The following PTPRD variants were observed in gnomAD, a reference collection of about 807,000 sequenced individuals.
The protein encoded by PTPRD is protein tyrosine phosphatase receptor type D.
Under a neutral mutation model 214.5 loss-of-function variants are expected in PTPRD, and 34 were observed. The observed-to-expected ratio is 0.16, with a 90% CI of 0.12 to 0.21. The LOEUF (loss-of-function observed/expected upper bound fraction) is 0.21. Among genes scored for constraint, PTPRD ranks in the 10% least tolerant of loss-of-function variants. The pLI is 1.00. For synonymous variants in PTPRD, 1,128 were observed against 845.7 expected (o/e 1.33, Z -5.79); for missense variants, 2,545 against 2,398.7 (o/e 1.06, Z -1.27).
At chr9:9,254,776 C>A (rs563659394) in intron 9 of PTPRD, among the ~76,000 whole-genome samples, 2 of 151,978 alleles carry the variant, frequency 1.3e-5, no homozygotes, top group Non-Finnish European at 2.9e-5. Flanking sequence ...TAAAACCCTG[C>A]GCCCTCATTC....
chr9:9,472,389 G>A (rs908656187), intron 8 of PTPRD, among the ~76,000 whole-genome samples: 4 of 151,518 alleles, frequency 2.6e-5, no homozygotes, highest in African/African-American at 7.3e-5. Context: ...ATTTTTAGTA[G>A]AGACGGGGTT....
chr9:9,403,783 C>T (rs2141507362), intron 8 of PTPRD, among the ~76,000 whole-genome samples: 1 of 151,940 alleles, frequency 6.6e-6, no homozygotes, highest in Admixed American at 6.6e-5. Context: ...ATAGTGGTAA[C>T]CATGTGGACA....
chr9:8,798,339 T>G (rs546054663), intron 11 of PTPRD, among the ~76,000 whole-genome samples: 1 of 152,248 alleles, frequency 6.6e-6, no homozygotes, highest in Admixed American at 6.5e-5. Flanking sequence ...CTTTAAAAAT[T>G]TTTTAACAGT....
At chr9:9,119,138 C>T (rs2099815159) in intron 10 of PTPRD, among the ~76,000 whole-genome samples, 1 of 152,202 alleles carries the variant, frequency 6.6e-6, no homozygotes, top group African/African-American at 2.4e-5. Flanking sequence ...GCTGGGTTCT[C>T]TGCAGAAGTG....
intron 11 of PTPRD, among the ~76,000 whole-genome samples, chr9:8,943,210 A>C (rs1212479725): frequency 4.6e-5 from 7 of 152,094 alleles, no homozygotes; most frequent in Admixed American, 3.9e-4. Flanking sequence ...TACTACCCAA[A>C]ACAATCTAAA....
chr9:8,929,688 T>C (rs1210084270), intron 11 of PTPRD, among the ~76,000 whole-genome samples: 4 of 111,148 alleles, frequency 3.6e-5, no homozygotes, highest in Non-Finnish European at 6.7e-5. Flanking sequence ...CTTTTATATA[T>C]GTGTATATAT....
chr9:9,280,951 C>G (rs2133554460), intron 9 of PTPRD, among the ~76,000 whole-genome samples: 1 of 150,980 alleles, frequency 6.6e-6, no homozygotes, highest in Admixed American at 6.6e-5. Flanking sequence ...GAAAAGAGAG[C>G]CAAGAAGTAG....
chr9:10,227,428 T>G (rs2099592501), intron 3 of PTPRD, among the ~76,000 whole-genome samples: 1 of 151,906 alleles, frequency 6.6e-6, no homozygotes, highest in African/African-American at 2.4e-5. Flanking sequence ...TTAAATAACT[T>G]CTATTACCTA....
intron 4 of PTPRD, among the ~76,000 whole-genome samples, chr9:9,980,608 C>CAAAAAAAAAAAAAAA (rs750547585): frequency 1.7e-4 from 2 of 11,432 alleles, no homozygotes; most frequent in African/African-American, 7.2e-4. Context: ...GACACCTTGT[C>CAAAAAAAAAAAAAAA]AAAAAAAAAC....
intron 5 of PTPRD, among the ~76,000 whole-genome samples, chr9:9,864,572 G>A (rs1444950613): frequency 1.3e-5 from 2 of 152,136 alleles, no homozygotes; most frequent in Non-Finnish European, 2.9e-5. Flanking sequence ...TGACTGGAGT[G>A]CAGTGGCATG....
chr9:8,872,857 A>G (rs912360519), intron 11 of PTPRD, among the ~76,000 whole-genome samples: 4 of 152,238 alleles, frequency 2.6e-5, no homozygotes, highest in African/African-American at 4.8e-5. Context: ...GTACATTTCA[A>G]TAAGGACCCA....
At chr9:9,434,492 C>G (rs1395659153) in intron 8 of PTPRD, among the ~76,000 whole-genome samples, 1 of 152,116 alleles carries the variant, frequency 6.6e-6, no homozygotes, top group African/African-American at 2.4e-5. Context: ...AATGACAATA[C>G]CAACTTCTTC....
chr9:10,096,787 T>C (rs1286954500), intron 3 of PTPRD, among the ~76,000 whole-genome samples: 2 of 152,056 alleles, frequency 1.3e-5, no homozygotes. Flanking sequence ...CCATTGCTTT[T>C]GGTGTTTTAG....
chr9:9,446,886 T>C lies in PTPRD; in HGVS notation c.-236-49404A>G, dbSNP rs528734310. Among the ~76,000 whole-genome samples the C allele has an allele frequency of 4.4e-3, 677 of 152,208 alleles. 4 individuals are homozygous for C. Among genetic ancestry groups the C allele is most frequent in the African/African-American group, 0.015 (604 of 41,514 alleles). On this transcript the variant is annotated intron_variant, in intron 8 of 45. Coordinates refer to ENST00000381196, the MANE Select transcript of PTPRD (RefSeq NM_002839.4). ...AACAGACACTTTTCAAAAGAAGACA[T>C]ACATGTGGCCAAGAAGCATATGAAA...
intron 35 of PTPRD, among the ~76,000 whole-genome samples, chr9:8,411,036 C>T (rs1035725829): frequency 6.6e-6 from 1 of 151,956 alleles, no homozygotes; most frequent in South Asian, 2.1e-4. Context: ...TTAGAATTAT[C>T]TTAATCTAAC....
intron 35 of PTPRD, among the ~76,000 whole-genome samples, chr9:8,420,814 T>C (rs1564684811): frequency 1.7e-5 from 2 of 119,922 alleles, no homozygotes; most frequent in African/African-American, 5.9e-5. Flanking sequence ...TTTTTTTTTT[T>C]TTTTAAAAAA....
intron 9 of PTPRD, among the ~76,000 whole-genome samples, chr9:9,358,222 T>A (rs956098014): frequency 1.2e-4 from 18 of 151,314 alleles, no homozygotes; most frequent in Non-Finnish European, 2.1e-4. Flanking sequence ...CAATTTTTTC[T>A]TATTTAGGTT....
chr9:10,006,584 G>C (rs1243066314), intron 4 of PTPRD, among the ~76,000 whole-genome samples: 1 of 151,858 alleles, frequency 6.6e-6, no homozygotes, highest in South Asian at 2.1e-4. Context: ...TATAATCAGA[G>C]TATAATTAAT....
chr9:9,324,709 G>T (rs1021128430), intron 9 of PTPRD, among the ~76,000 whole-genome samples: 1 of 151,918 alleles, frequency 6.6e-6, no homozygotes, highest in Admixed American at 6.6e-5. Context: ...GATCCCATTT[G>T]TCTATTTTGG....
Sources: gnomAD v4.1 joint callset for allele counts (sites outside exome capture counted in the v4.1 genomes callset) on GRCh38, gnomAD v4.1.1 for gene constraint, MANE v1.5 for transcripts, NCBI Gene and HGNC (gene_info 2026-07-23, HGNC 2026-07-21) for gene names.